Variants in SLC35F1 observed in about 807,000 individuals in gnomAD.
SLC35F1 encodes chromosome 6 open reading frame 169.
Under a neutral mutation model 48.7 loss-of-function variants are expected in SLC35F1, and 14 were observed. The observed-to-expected ratio is 0.29, with a 90% confidence interval of 0.19 to 0.45. The LOEUF is 0.45. SLC35F1 is among the 20% of genes least tolerant of loss of function. SLC35F1 has a pLI of 1.00. For synonymous variants in SLC35F1, 190 were observed against 202.2 expected, an observed-to-expected ratio of 0.94 and a Z score of 0.51; for missense variants, 404 against 500.0, an observed-to-expected ratio of 0.81 and a Z score of 1.83.
chr6:118,310,961 T>C (rs1398717884), intron 7 of SLC35F1, among the ~76,000 whole-genome samples: 2 of 152,220 alleles, frequency 1.3e-5, no homozygotes, highest in African/African-American at 4.8e-5. Context: ...AAATCATAAA[T>C]GGAGAGGAAT....
intron 1 of SLC35F1, among the ~76,000 whole-genome samples, chr6:117,929,382 T>C (rs1297498653): frequency 6.6e-6 from 1 of 151,408 alleles, no homozygotes; most frequent in Non-Finnish European, 1.5e-5. Context: ...ATAGGATCTA[T>C]CTATCTATCT....
intron 2 of SLC35F1, among the ~76,000 whole-genome samples, chr6:118,167,380 T>C (rs1774334286): frequency 6.6e-6 from 1 of 152,198 alleles, no homozygotes; most frequent in African/African-American, 2.4e-5. Flanking sequence ...TCATACAGTG[T>C]ACTTACACAA....
At chr6:118,192,201 G>A (rs1475178387) in intron 2 of SLC35F1, among the ~76,000 whole-genome samples, 1 of 152,146 alleles carries the variant, frequency 6.6e-6, no homozygotes, top group Non-Finnish European at 1.5e-5. Flanking sequence ...TAGCTAAGCA[G>A]TTTCAGTATT....
intron 5 of SLC35F1, among the ~76,000 whole-genome samples, chr6:118,277,061 G>A (rs1166615094): frequency 2.0e-5 from 3 of 152,182 alleles, no homozygotes; most frequent in East Asian, 1.9e-4. Flanking sequence ...AGGAAACAGT[G>A]TATTTTAACC....
intron 3 of SLC35F1, among the ~76,000 whole-genome samples, chr6:118,241,133 G>T (rs1235220097): frequency 6.6e-6 from 1 of 152,214 alleles, no homozygotes; most frequent in Non-Finnish European, 1.5e-5. Context: ...ATGCCAGAAT[G>T]ACTTAATGTT....
chr6:117,922,363 C>T (rs1164873662), intron 1 of SLC35F1, among the ~76,000 whole-genome samples: 2 of 152,144 alleles, frequency 1.3e-5, no homozygotes, highest in African/African-American at 2.4e-5. Flanking sequence ...TAAATTTCTT[C>T]TGTATATACA....
chr6:118,038,765 T>C (rs1772169576), intron 1 of SLC35F1, among the ~76,000 whole-genome samples: 3 of 151,888 alleles, frequency 2.0e-5, no homozygotes. Context: ...AAGACTACAG[T>C]TGTGAGCAAC....
At chr6:118,060,967 T>G (rs1374683771) in intron 1 of SLC35F1, among the ~76,000 whole-genome samples, 2 of 152,234 alleles carry the variant, frequency 1.3e-5, no homozygotes, top group Non-Finnish European at 1.5e-5. Flanking sequence ...CTCATTCAAC[T>G]GTTCATTTAT....
chr6:118,176,344 G>A (rs1245093469), intron 2 of SLC35F1, among the ~76,000 whole-genome samples: 5 of 151,992 alleles, frequency 3.3e-5, no homozygotes, highest in African/African-American at 1.2e-4. Context: ...AGATTGGGAG[G>A]AGATTGATTA....
intron 1 of SLC35F1, among the ~76,000 whole-genome samples, chr6:118,027,218 C>T (rs1771971821): frequency 6.6e-6 from 1 of 152,110 alleles, no homozygotes; most frequent in Non-Finnish European, 1.5e-5. Flanking sequence ...ATGTTCCCAG[C>T]TTTTGGCAGT....
At chr6:118,301,490 G>C (rs1300876268) in intron 7 of SLC35F1, among the ~76,000 whole-genome samples, 1 of 151,874 alleles carries the variant, frequency 6.6e-6, no homozygotes, top group Non-Finnish European at 1.5e-5. Context: ...GTTAAGGGGG[G>C]GTATGAAGGA....
chr6:118,263,732 C>G lies in SLC35F1; in HGVS notation c.478-3263C>G, dbSNP rs1478900543. On this transcript the variant is annotated intron_variant, in intron 3 of 7. Coordinates refer to ENST00000360388, the MANE Select transcript of SLC35F1 (RefSeq NM_001029858.4). Reference sequence around the variant, plus strand: ...TAACAGTTTCAGTTATAATGCTTCTCTTTTCTACTTCTCTAACAACCACTT... The same window carrying G: ...TAACAGTTTCAGTTATAATGCTTCTGTTTTCTACTTCTCTAACAACCACTT... Among the ~76,000 whole-genome samples the G allele has an allele frequency of 2.0e-5, 3 of 152,084 alleles. 1 individual carries two copies. The South Asian group carries it at 6.2e-4, about 32-fold the overall frequency.
intron 1 of SLC35F1, among the ~76,000 whole-genome samples, chr6:117,940,367 G>C (rs1321910770): frequency 6.6e-6 from 1 of 152,138 alleles, no homozygotes; most frequent in East Asian, 1.9e-4. Context: ...TACTAGGACT[G>C]TCTGTACGTG....
chr6:118,236,206 T>A (rs1775363184), intron 3 of SLC35F1, among the ~76,000 whole-genome samples: 1 of 152,176 alleles, frequency 6.6e-6, no homozygotes, highest in South Asian at 2.1e-4. Flanking sequence ...CTACTGTGTT[T>A]CTTTCCCCCT....
In SLC35F1 at chr6:118,197,711, CT is replaced by C. The variant is rs112320019; in HGVS notation, c.350-37787del. Reference sequence around the variant, plus strand: ...CAACAATTCAGTGTTGGTTTTCTTTCTTTTTTTTTTTGAGACAGGGTTGAAT... The same window carrying C: ...CAACAATTCAGTGTTGGTTTTCTTTCTTTTTTTTTTGAGACAGGGTTGAAT... On this transcript the variant is annotated intron_variant, in intron 2 of 7. Transcript: ENST00000360388. 8.1e-4 allele frequency among the ~76,000 whole-genome samples: 118 copies of C among 146,018 alleles called. 1 individual carries two copies. Among genetic ancestry groups the C allele is most frequent in the East Asian group, 2.4e-3 (12 of 5,014 alleles).
At chr6:118,238,278 G>A (rs973757916) in intron 3 of SLC35F1, among the ~76,000 whole-genome samples, 3 of 152,058 alleles carry the variant, frequency 2.0e-5, no homozygotes, top group African/African-American at 7.2e-5. Flanking sequence ...GGAAAGCCCA[G>A]CAGAAACTGT....
At chr6:118,027,208 A>G (rs1771971692) in intron 1 of SLC35F1, among the ~76,000 whole-genome samples, 2 of 152,138 alleles carry the variant, frequency 1.3e-5, no homozygotes, top group African/African-American at 4.8e-5. Context: ...GACATTTGGA[A>G]TGTTCCCAGC....
chr6:118,294,397 ACT>A (rs1243149857), intron 7 of SLC35F1, among the ~76,000 whole-genome samples: 8 of 152,328 alleles, frequency 5.3e-5, no homozygotes, highest in Admixed American at 4.6e-4. Context: ...CAGTTCTTTC[ACT>A]GTATGCCATC....
chr6:117,916,907 T>C (rs1470658036), intron 1 of SLC35F1, among the ~76,000 whole-genome samples: 2 of 152,180 alleles, frequency 1.3e-5, no homozygotes, highest in Non-Finnish European at 2.9e-5. Flanking sequence ...AGAGGCACAA[T>C]CTAGCTGTTA....
Sources: allele counts gnomAD v4.1 joint callset (sites outside exome capture counted in the v4.1 genomes callset), GRCh38; gene constraint gnomAD v4.1.1; transcripts MANE v1.5; gene names NCBI Gene and HGNC (gene_info 2026-07-23, HGNC 2026-07-21).